The following NTRK1 variants were observed in gnomAD, a reference collection of about 807,000 sequenced individuals.
NTRK1 encodes the protein high affinity nerve growth factor receptor.
Under a neutral mutation model 86.8 loss-of-function variants are expected in NTRK1, and 62 were observed. The ratio of observed to expected loss-of-function variants is 0.71; its 90% CI spans 0.58 to 0.88. The LOEUF is 0.88. Ranked by LOEUF, NTRK1 falls within the 40% of genes least tolerant of loss-of-function variation. The pLI is 0.00. For synonymous variants in NTRK1, 469 were observed against 456.6 expected, an observed-to-expected ratio of 1.03 and a Z score of -0.35; for missense variants, 967 against 1,078.4, an observed-to-expected ratio of 0.90 and a Z score of 1.45.
rs150714623 is a variant in NTRK1 at position 156,873,472 on chromosome 1, A to T, written c.851-161A>T. On this transcript the variant is annotated intron_variant, in intron 7 of 16. Coordinates refer to ENST00000524377, the MANE Select transcript of NTRK1 (RefSeq NM_002529.4). ...ATGTATTGTCAACTTTCTTCAAAACATCTCTCCTTGGTGAATTTCCCAGGG... is the reference window on the plus strand; with the variant it reads ...ATGTATTGTCAACTTTCTTCAAAACTTCTCTCCTTGGTGAATTTCCCAGGG... Among the ~76,000 whole-genome samples the T allele has an allele frequency of 2.0e-3, 304 of 152,232 alleles. 11 individuals carry two copies. In the East Asian group the frequency reaches 0.055, roughly 27 times the overall value.
chr1:156,852,692 G>A (rs1393099322), intron 2 of NTRK1, among the ~76,000 whole-genome samples: 1 of 152,254 alleles, frequency 6.6e-6, no homozygotes, highest in African/African-American at 2.4e-5. Context: ...GCAGCAGTGG[G>A]AGGGTTTGGA....
At chr1:156,849,513 G>GGGGGGGGGGGGGGGGGGGGGC in intron 2 of NTRK1, 1 of 486,122 alleles carries the variant, frequency 2.1e-6, no homozygotes, top group Non-Finnish European at 4.1e-6. Context: ...CAGGGGGTGG[G>GGGGGGGGGGGGGGGGGGGGGC]AAAGGGGATG....
chr1:156,824,584 C>T (rs1558074928), intron 1 of NTRK1, among the ~76,000 whole-genome samples: 1 of 152,334 alleles, frequency 6.6e-6, no homozygotes, highest in East Asian at 1.9e-4. Context: ...CTTAGGATGG[C>T]CATCTCAGGC....
intron 2 of NTRK1, chr1:156,849,503 C>CTGGGGGGGGGGGGGGGGGG: frequency 8.3e-6 from 4 of 483,668 alleles, no homozygotes; most frequent in East Asian, 5.3e-5. Flanking sequence ...GAGGTGGGGG[C>CTGGGGGGGGGGGGGGGGGG]AGGGGGTGGG....
intron 1 of NTRK1, chr1:156,841,359 T>A (rs767554324): frequency 6.3e-7 from 1 of 1,598,158 alleles, no homozygotes; most frequent in Non-Finnish European, 8.6e-7. Context: ...TGTAGGTAGA[T>A]CAACAATGAG....
chr1:156,817,130 G>C (rs1432111556), intron 1 of NTRK1, among the ~76,000 whole-genome samples: 1 of 145,748 alleles, frequency 6.9e-6, no homozygotes, highest in Non-Finnish European at 1.5e-5. Flanking sequence ...TCTGCCTCTT[G>C]GCCTGTTCTG....
Position 156,873,859 on chromosome 1 carries a change from C to T in NTRK1, c.1077C>T (p.Tyr359=), listed in dbSNP as rs1057521034. The T allele has an allele frequency of 1.9e-6, 3 of 1,606,000 alleles. No individual in the cohort carries two copies. The highest frequency in any genetic ancestry group is 1.3e-5 in the African/African-American group (1 of 74,842). ...CCACCCACGTCAACAACGGCAACTA[C>T]ACGCTGCTGGCTGCCAACCCCTTCG... ...NQPTHVNNGN[Y]TLLAANPFGQ... is the part of the protein sequence containing the mutation. The change falls in exon 8 of 17, where the codon TAC becomes TAT. Residue 359 remains tyrosine (Y), a synonymous_variant. Transcript: ENST00000524377.
At chr1:156,829,336 C>T (rs919231702) in intron 1 of NTRK1, among the ~76,000 whole-genome samples, 10 of 152,228 alleles carry the variant, frequency 6.6e-5, no homozygotes, top group African/African-American at 2.2e-4. Flanking sequence ...CAAGGCTCCC[C>T]GTATCCCTCA....
At chr1:156,820,946 A>T (rs1381658078) in intron 1 of NTRK1, among the ~76,000 whole-genome samples, 1 of 152,088 alleles carries the variant, frequency 6.6e-6, no homozygotes, top group African/African-American at 2.4e-5. Flanking sequence ...TGTTTGTGTC[A>T]TCTCTGATTT....
chr1:156,868,732 G>A, intron 6 of NTRK1, 85 bp downstream of exon 6: 2 of 1,519,864 alleles, frequency 1.3e-6, no homozygotes, highest in Non-Finnish European at 1.8e-6. Flanking sequence ...ACACTGTGGA[G>A]GAAAGAGACA....
chr1:156,862,982 C>A (rs1655746294), intron 1 of NTRK1, among the ~76,000 whole-genome samples: 1 of 151,742 alleles, frequency 6.6e-6, no homozygotes, highest in African/African-American at 2.4e-5. Flanking sequence ...TTAGGCTGGT[C>A]CTGGTTCCTA....
At chr1:156,860,858 T>C (rs1558095594), upstream of NTRK1, 3 of 1,380,276 alleles carry the variant, frequency 2.2e-6, no homozygotes, top group South Asian at 1.7e-5. Context: ...CCAGCGCACA[T>C]GTCGGGGGAG....
rs764813095 is a variant in NTRK1 at position 156,871,788 on chromosome 1, C to T, written c.850+33C>T. 20 of 1,613,758 alleles carry T rather than the reference C, an allele frequency of 1.2e-5. No homozygotes were observed. The South Asian group carries it at 2.1e-4, about 17-fold the overall frequency. On this transcript the variant is annotated intron_variant, in intron 7 of 16. Transcript: ENST00000524377. ...TCAGTGGCAGCTCCGGCACCCACCC[C>T]CTACTCATCTCTTCTTCCCTCAAAA... is the stretch of plus-strand genomic sequence containing the variant.
chr1:156,862,830 A>G (rs552058231), intron 1 of NTRK1, among the ~76,000 whole-genome samples: 2 of 152,132 alleles, frequency 1.3e-5, no homozygotes, highest in East Asian at 3.9e-4. Flanking sequence ...GGTGGGTAGA[A>G]TAGGGACTTG....
chr1:156,843,320 C>T, intron 2 of NTRK1: 2 of 1,561,962 alleles, frequency 1.3e-6, no homozygotes, highest in Non-Finnish European at 1.8e-6. Context: ...TTCTGAAGGG[C>T]TCTTGTCCCA....
chr1:156,868,350 G>T, intron 5 of NTRK1, 101 bp downstream of exon 5: 1 of 1,543,780 alleles, frequency 6.5e-7, no homozygotes, highest in South Asian at 1.2e-5. Context: ...CCTGGGGAAT[G>T]GGCACTGGCA....
intron 14 of NTRK1, among the ~76,000 whole-genome samples, chr1:156,877,253 G>A (rs951859160): frequency 2.0e-5 from 3 of 152,198 alleles, no homozygotes; most frequent in Admixed American, 6.5e-5. Context: ...ATATAAATAT[G>A]TATTTATTTT....
intron 4 of NTRK1, among the ~76,000 whole-genome samples, chr1:156,867,773 A>G (rs1295379470): frequency 1.3e-5 from 2 of 151,398 alleles, no homozygotes; most frequent in Non-Finnish European, 2.9e-5. Flanking sequence ...TCCTGGGTTC[A>G]CGCCATTCTC....
chr1:156,864,533 G>A, intron 2 of NTRK1, 105 bp downstream of exon 2: 1 of 1,277,124 alleles, frequency 7.8e-7, no homozygotes, highest in South Asian at 1.2e-5. Flanking sequence ...GACCTGAGAG[G>A]CTGAGCACTG....
Sources: allele counts gnomAD v4.1 joint callset (sites outside exome capture counted in the v4.1 genomes callset), GRCh38; gene constraint gnomAD v4.1.1; transcripts MANE v1.5; gene names NCBI Gene and HGNC (gene_info 2026-07-23, HGNC 2026-07-21).